TBC1D8B: variants seen among roughly 807,000 people sequenced by gnomAD.
TBC1D8B encodes TBC1 domain family member 8B, also known as RP11-321G1.1.
TBC1D8B carries 75 observed loss-of-function variants against 82.9 expected under a neutral mutation model. That is an observed-to-expected ratio of 0.90 (90% confidence interval 0.75 to 1.10). The LOEUF (loss-of-function observed/expected upper bound fraction) is 1.10, where lower values mean the gene tolerates loss of function less well. TBC1D8B is among the 50% of genes least tolerant of loss of function. TBC1D8B has a pLI of 0.00. For missense variants in TBC1D8B, 794 were observed against 796.9 expected (o/e 1.00, Z 0.04); for synonymous variants, 276 against 276.8 (o/e 1.00, Z 0.03).
chrX:106,804,612 T>C (rs773727997), intron 1 of TBC1D8B, among the ~76,000 whole-genome samples: 2 of 111,893 alleles, frequency 1.8e-5, no homozygotes. Flanking sequence ...ATATTTAAAA[T>C]AGATTTCAGG....
At chrX:106,831,896 G>A (rs1932057664) in intron 7 of TBC1D8B, among the ~76,000 whole-genome samples, 1 of 110,962 alleles carries the variant, frequency 9.0e-6, no homozygotes, top group Admixed American at 9.7e-5. Flanking sequence ...TCTTATCAAT[G>A]ATGAAGAATA....
chrX:106,861,471 A>G (rs1477673975), intron 14 of TBC1D8B, among the ~76,000 whole-genome samples: 1 of 111,931 alleles, frequency 8.9e-6, no homozygotes, highest in African/African-American at 3.2e-5. Flanking sequence ...TTACCATTAT[A>G]TAATTCCTTT....
At chrX:106,824,269 T>C (rs1931777028) in intron 5 of TBC1D8B, among the ~76,000 whole-genome samples, 1 of 111,053 alleles carries the variant, frequency 9.0e-6, no homozygotes, top group South Asian at 3.8e-4. Context: ...CAGTATAGAC[T>C]ATATGGGAAA....
rs1026144686 is a variant in TBC1D8B, at chrX:106,803,530, G to T, written c.130+547G>T. 6.8e-4 allele frequency among the ~76,000 whole-genome samples: 76 copies of T among 110,990 alleles called. 3 individuals carry two copies. Among genetic ancestry groups the T allele is most frequent in the Non-Finnish European group, 1.7e-4 (9 of 52,972 alleles). On this transcript the variant is annotated intron_variant, in intron 1 of 20. Coordinates refer to ENST00000357242, the MANE Select transcript of TBC1D8B (RefSeq NM_017752.3). Reference sequence around the variant, plus strand: ...GAGAACTGGAGTCAGGAGAGGTGGAGGGGTAGGCTCAGAATTGCTGATCTC... The same window carrying T: ...GAGAACTGGAGTCAGGAGAGGTGGATGGGTAGGCTCAGAATTGCTGATCTC...
intron 4 of TBC1D8B, among the ~76,000 whole-genome samples, chrX:106,822,792 G>A (rs1453213341): frequency 9.5e-6 from 1 of 104,944 alleles, no homozygotes; most frequent in African/African-American, 3.5e-5. Context: ...GAGCCCAGGA[G>A]TTCAAGACGA....
chrX:106,861,944 ATTCCCT>A (rs1179437543), intron 14 of TBC1D8B, among the ~76,000 whole-genome samples: 2 of 112,023 alleles, frequency 1.8e-5, no homozygotes, highest in Non-Finnish European at 3.8e-5. Context: ...ATGAACATGA[ATTCCCT>A]TAGCACTTGC....
At position 106,865,881 on chromosome X, in the gene TBC1D8B, A is replaced by T. The variant is rs1451447095; in HGVS notation, c.2510A>T (p.Gln837Leu). Reference sequence around the variant, plus strand: ...AGTCTGCCATATTTGGAACAGTATCAGATTGACTGCCAGCAGTTCAGAGCG... The same window carrying T: ...AGTCTGCCATATTTGGAACAGTATCTGATTGACTGCCAGCAGTTCAGAGCG... ...DPSLPYLEQYQIDCQQFRALY... is the reference protein window; with the variant it reads ...DPSLPYLEQYLIDCQQFRALY... The change falls in exon 16 of 21, where the codon CAG becomes CTG. Residue 837 changes from glutamine (Q) to leucine (L), a missense_variant. Coordinates refer to ENST00000357242, the MANE Select transcript of TBC1D8B (RefSeq NM_017752.3). 8.3e-7 allele frequency: 1 copy of T among 1,211,456 alleles called. No homozygotes were observed.
At chrX:106,827,021 G>T in intron 6 of TBC1D8B, 149 bp from the exon 7 acceptor site, 1 of 541,303 alleles carries the variant, frequency 1.8e-6, no homozygotes, top group Non-Finnish European at 3.0e-6. Context: ...TTGTATGATT[G>T]GTGCAACTAG....
chrX:106,869,071 T>C (rs1932831440), intron 18 of TBC1D8B, among the ~76,000 whole-genome samples: 1 of 111,837 alleles, frequency 8.9e-6, no homozygotes, highest in African/African-American at 3.2e-5. Flanking sequence ...ATAAAGGCAC[T>C]AAGGCCCAGA....
rs1002679987 is a variant in TBC1D8B, at chrX:106,850,258, G to A, written c.2071G>A (p.Asp691Asn). The A allele has an allele frequency of 8.3e-7, 1 of 1,210,683 alleles. No individual in the cohort carries two copies. The highest frequency in any genetic ancestry group is 1.7e-5 in the African/African-American group (1 of 57,817). ...ATTGGCAATACTTGACTATAATTTA[G>A]ACAAACTGCTGACTTGTAAAGATGA... is the stretch of plus-strand genomic sequence containing the variant. ...LGLAILDYNLDKLLTCKDDAE... is the reference protein window; with the variant it reads ...LGLAILDYNLNKLLTCKDDAE... The change falls in exon 12 of 21, where the codon GAC becomes AAC. Residue 691 changes from aspartate (D) to asparagine (N), a missense_variant. Physicochemically the swap from Asp to Asn is conservative, Grantham distance 23. Transcript: ENST00000357242.
rs1931608085 is a variant in TBC1D8B, at chrX:106,818,663, G to T, written c.131G>T (p.Gly44Val). ...YGEEGGGGLT[G>V]LLVGTLDSVL... ...TTCAACAATCTTTCTATTACAACAG[G>T]GCTTCTGGTTGGGACTCTTGATTCA... Residue 44 changes from glycine to valine, a missense_variant and splice_region_variant, in exon 2 of 21, where the codon GGG becomes GTG. By Grantham distance (109) the Gly-to-Val change is moderately radical. Transcript: ENST00000357242. 5.9e-6 allele frequency: 7 copies of T among 1,190,810 alleles called. No homozygotes were observed. The highest frequency in any genetic ancestry group is 7.9e-6 in the Non-Finnish European group (7 of 882,499).
chrX:106,820,333 G>T (rs1388469238), intron 2 of TBC1D8B, among the ~76,000 whole-genome samples: 1 of 111,199 alleles, frequency 9.0e-6, no homozygotes, highest in Non-Finnish European at 1.9e-5. Context: ...TGAAATTTCT[G>T]TAAGTTTACT....
intron 2 of TBC1D8B, among the ~76,000 whole-genome samples, chrX:106,819,042 A>G (rs1386078367): frequency 9.2e-6 from 1 of 108,486 alleles, no homozygotes; most frequent in Admixed American, 1.0e-4. Context: ...TTACTGCTAT[A>G]TAACTCCTTT....
At chrX:106,818,144 CG>C (rs1357167505) in intron 1 of TBC1D8B, among the ~76,000 whole-genome samples, 1 of 110,882 alleles carries the variant, frequency 9.0e-6, no homozygotes, top group Non-Finnish European at 1.9e-5. Context: ...TAACTAATAT[CG>C]GGTGTTTTAC....
intron 15 of TBC1D8B, 28 bp from the exon 16 acceptor site, chrX:106,865,765 A>G: frequency 1.2e-5 from 14 of 1,153,032 alleles, no homozygotes; most frequent in Non-Finnish European, 1.6e-5. Flanking sequence ...CTAATTAGTA[A>G]CTTTCCTTTT....
chrX:106,830,554 A>G (rs1157904370), intron 7 of TBC1D8B, among the ~76,000 whole-genome samples: 1 of 111,199 alleles, frequency 9.0e-6, no homozygotes, highest in East Asian at 2.8e-4. Flanking sequence ...CCAAATGTCC[A>G]ACAATGATAG....
rs1440121194 is a variant in TBC1D8B, at chrX:106,862,017, C to T, written c.2353-3542C>T. On this transcript the variant is annotated intron_variant, in intron 14 of 20. Transcript: ENST00000357242. Reference sequence around the variant, plus strand: ...TTATGAAGCTTAGTTTGGCTGAATACGAAATTATTGGCTGGAGTTTCTTTT... The same window carrying T: ...TTATGAAGCTTAGTTTGGCTGAATATGAAATTATTGGCTGGAGTTTCTTTT... Among the ~76,000 whole-genome samples, 3 of 112,032 alleles carry T rather than the reference C, an allele frequency of 2.7e-5. No homozygotes were observed. In the East Asian group the frequency reaches 8.4e-4, roughly 31 times the overall value.
At chrX:106,804,341 A>G (rs1931123746) in intron 1 of TBC1D8B, among the ~76,000 whole-genome samples, 1 of 111,640 alleles carries the variant, frequency 9.0e-6, no homozygotes, top group Non-Finnish European at 1.9e-5. Flanking sequence ...TCTACAGGAC[A>G]TTTTTTAAAA....
chrX:106,874,119 G>T lies in TBC1D8B; in HGVS notation c.*154G>T. The T allele has an allele frequency of 2.2e-6, 1 of 457,094 alleles. No individual in the cohort carries two copies. The highest frequency in any genetic ancestry group is 3.3e-6 in the Non-Finnish European group (1 of 300,778). The allele number at this position is 457,094 out of a possible 1,213,427, so 37.7% of individuals were successfully genotyped here. Reference sequence around the variant, plus strand: ...AAGCACAATGCATCATTCCTTTGTTGTTGATAATGGGCTTTGTTAGCACTT... The same window carrying T: ...AAGCACAATGCATCATTCCTTTGTTTTTGATAATGGGCTTTGTTAGCACTT... On this transcript the variant is annotated 3_prime_UTR_variant, in exon 21 of 21. Transcript: ENST00000357242.
Sources: gnomAD v4.1 joint callset for allele counts (sites outside exome capture counted in the v4.1 genomes callset) on GRCh38, gnomAD v4.1.1 for gene constraint, MANE v1.5 for transcripts, NCBI Gene and HGNC (gene_info 2026-07-23, HGNC 2026-07-21) for gene names.